EGLN3: variants seen among roughly 807,000 people sequenced by gnomAD.
EGLN3 encodes prolyl hydroxylase EGLN3.
EGLN3 carries 15 observed loss-of-function variants against 26.0 expected under a neutral mutation model. The ratio of observed to expected loss-of-function variants is 0.58; its 90% confidence interval spans 0.39 to 0.89. The LOEUF is 0.89. Among genes scored for constraint, EGLN3 ranks in the 40% least tolerant of loss-of-function variants. EGLN3 has a pLI of 0.00. For missense variants in EGLN3, 238 were observed against 311.6 expected, an observed-to-expected ratio of 0.76 and a Z score of 1.78; for synonymous variants, 147 against 127.2, an observed-to-expected ratio of 1.16 and a Z score of -1.05.
intron 1 of EGLN3, among the ~76,000 whole-genome samples, chr14:33,940,851 C>G (rs1349561543): frequency 6.6e-6 from 1 of 152,206 alleles, no homozygotes; most frequent in Non-Finnish European, 1.5e-5. Context: ...ATTCCCGAAG[C>G]TGGCAGGAAA....
In EGLN3 at chr14:33,940,383, G is replaced by GT. The variant is rs974216663; in HGVS notation, c.358-9169dup. On this transcript the variant is annotated intron_variant, in intron 1 of 4. Coordinates refer to ENST00000250457, the MANE Select transcript of EGLN3 (RefSeq NM_022073.4). ...AAATGTGAACTAAAAATCGTTTTTT[G>GT]TTTTTTTTTTTAGTTTTAGCAATAA... 3.1e-3 allele frequency among the ~76,000 whole-genome samples: 442 copies of GT among 144,776 alleles called. 1 individual carries two copies. Among genetic ancestry groups the GT allele is most frequent in the South Asian group, 6.9e-3 (31 of 4,488 alleles). The allele number at this position is 144,776 out of a possible 152,430, so 95.0% of individuals were successfully genotyped here.
chr14:33,950,254 C>T (rs2064547825), intron 1 of EGLN3, 142 bp downstream of exon 1: 2 of 786,994 alleles, frequency 2.5e-6, no homozygotes, highest in South Asian at 3.1e-5. Context: ...TGGGGGGAAG[C>T]AGCGAGTAGA....
At chr14:33,937,093 G>A (rs1413316160) in intron 1 of EGLN3, among the ~76,000 whole-genome samples, 2 of 152,174 alleles carry the variant, frequency 1.3e-5, no homozygotes, top group African/African-American at 2.4e-5. Context: ...TTTACAAGAC[G>A]ATGGCAACTA....
Position 33,931,198 on chromosome 14 carries a change from A to G in EGLN3, c.375T>C (p.Tyr125=). Residue 125 remains tyrosine, a synonymous_variant, in exon 2 of 5, where the codon TAT becomes TAC. Transcript: ENST00000250457. Reference sequence around the variant, plus strand: ...GAACATAACCTGTTCCATTTCCCGGATAGCAAGCCACCATTGCCTATGGAG... The same window carrying G: ...GAACATAACCTGTTCCATTTCCCGGGTAGCAAGCCACCATTGCCTATGGAG... The part of the protein sequence containing the change: ...KERSKAMVAC[Y]PGNGTGYVRH... 1 of 1,614,224 alleles carries G rather than the reference A, an allele frequency of 6.2e-7. No individual in the cohort carries two copies. Among genetic ancestry groups the G allele is most frequent in the Non-Finnish European group, 8.5e-7 (1 of 1,180,030 alleles).
intron 1 of EGLN3, among the ~76,000 whole-genome samples, chr14:33,934,958 C>G (rs1163238133): frequency 6.6e-6 from 1 of 152,164 alleles, no homozygotes; most frequent in Non-Finnish European, 1.5e-5. Flanking sequence ...GTTGAAGGAG[C>G]TTTAAACTAG....
At chr14:33,949,991 G>GT in intron 1 of EGLN3, 1 of 437,910 alleles carries the variant, frequency 2.3e-6, no homozygotes, top group South Asian at 4.0e-5. Context: ...ATGAAGGGCA[G>GT]TATTAGGTGG....
chr14:33,929,993 C>T (rs1398730972), intron 2 of EGLN3, among the ~76,000 whole-genome samples: 1 of 152,140 alleles, frequency 6.6e-6, no homozygotes, highest in Non-Finnish European at 1.5e-5. Flanking sequence ...AACTCTCAGA[C>T]CACCTAATCT....
chr14:33,926,881 AT>A, intron 4 of EGLN3, 78 bp downstream of exon 4: 1 of 1,058,718 alleles, frequency 9.4e-7, no homozygotes, highest in Non-Finnish European at 1.4e-6. Flanking sequence ...TGAACAGAAC[AT>A]GTTTAAAACT....
chr14:33,942,959 G>C (rs2064493533), intron 1 of EGLN3, among the ~76,000 whole-genome samples: 1 of 152,160 alleles, frequency 6.6e-6, no homozygotes, highest in Admixed American at 6.5e-5. Context: ...AGATGTGAAA[G>C]CCTGCATTAT....
At chr14:33,938,946 T>C (rs1017497901) in intron 1 of EGLN3, among the ~76,000 whole-genome samples, 1 of 152,174 alleles carries the variant, frequency 6.6e-6, no homozygotes, top group Non-Finnish European at 1.5e-5. Context: ...TCCTTTGATA[T>C]GAGAAAACAG....
rs773240117 is a variant in EGLN3 at position 33,950,420 on chromosome 14, T to C, written c.333A>G (p.Lys111=). Residue 111 remains lysine, a synonymous_variant, in exon 1 of 5, where the codon AAA becomes AAG. Transcript: ENST00000250457. ...LVLYCGSRLG[K]YYVKERSKAM... ...CCTTAGACCTCTCCTTGACGTAGTA[T>C]TTGCCCAGCCGGCTCCCGCAGTAGA... 6.2e-7 allele frequency: 1 copy of C among 1,613,158 alleles called. No individual in the cohort carries two copies. Among genetic ancestry groups the C allele is most frequent in the South Asian group, 1.1e-5 (1 of 91,076 alleles).
intron 1 of EGLN3, among the ~76,000 whole-genome samples, chr14:33,933,901 G>A (rs1163555591): frequency 6.6e-6 from 1 of 152,172 alleles, no homozygotes; most frequent in African/African-American, 2.4e-5. Context: ...ATTGTTAAAA[G>A]AACGGGCCAG....
At chr14:33,950,358 G>A (rs756404320) in intron 1 of EGLN3, 38 bp downstream of exon 1, 1 of 1,597,942 alleles carries the variant, frequency 6.3e-7, no homozygotes, top group East Asian at 2.2e-5. Flanking sequence ...TCCCGTCCCC[G>A]CGGGAGCAGC....
At chr14:33,949,178 A>G (rs750848312) in intron 1 of EGLN3, 7 of 152,094 alleles carry the variant, frequency 4.6e-5, no homozygotes, top group Non-Finnish European at 7.3e-5. Flanking sequence ...TTGTACGGCA[A>G]ACTGTGACTC....
intron 1 of EGLN3, among the ~76,000 whole-genome samples, chr14:33,944,883 A>G (rs2064507362): frequency 6.6e-6 from 1 of 152,188 alleles, no homozygotes; most frequent in Non-Finnish European, 1.5e-5. Context: ...TCTGAAGCAG[A>G]TAAGGTTATA....
At chr14:33,930,240 T>C (rs1433057455) in intron 2 of EGLN3, among the ~76,000 whole-genome samples, 1 of 152,218 alleles carries the variant, frequency 6.6e-6, no homozygotes, top group Non-Finnish European at 1.5e-5. Flanking sequence ...TATCAGCACC[T>C]CTCAAGATTT....
intron 1 of EGLN3, among the ~76,000 whole-genome samples, chr14:33,942,353 C>A (rs1288417275): frequency 4.7e-5 from 7 of 149,324 alleles, no homozygotes; most frequent in African/African-American, 1.7e-4. Context: ...TAAAACTAAA[C>A]AAAGAAAGCA....
chr14:33,935,503 T>G (rs1186301834), intron 1 of EGLN3, among the ~76,000 whole-genome samples: 1 of 152,070 alleles, frequency 6.6e-6, no homozygotes, highest in African/African-American at 2.4e-5. Context: ...TCAGATTTTA[T>G]GAGAGTAGCA....
intron 1 of EGLN3, among the ~76,000 whole-genome samples, chr14:33,938,585 C>G (rs2064458646): frequency 6.6e-6 from 1 of 152,220 alleles, no homozygotes; most frequent in African/African-American, 2.4e-5. Context: ...CCCCCTCCCC[C>G]ATCTCTACCC....
Sources: gnomAD v4.1 joint callset for allele counts (sites outside exome capture counted in the v4.1 genomes callset) on GRCh38, gnomAD v4.1.1 for gene constraint, MANE v1.5 for transcripts, NCBI Gene and HGNC (gene_info 2026-07-23, HGNC 2026-07-21) for gene names.